Variants in ARHGAP25 observed in about 807,000 individuals in gnomAD.
ARHGAP25 encodes rho GTPase-activating protein 25.
A neutral mutation model predicts 71.0 loss-of-function variants in ARHGAP25; 34 were observed. The ratio of observed to expected loss-of-function variants is 0.48; its 90% CI spans 0.36 to 0.64. The LOEUF is 0.64. Ranked by LOEUF, ARHGAP25 falls within the 30% of genes least tolerant of loss-of-function variation. The pLI is 0.00. For missense variants in ARHGAP25, 706 were observed against 805.1 expected (o/e 0.88, Z 1.49); for synonymous variants, 282 against 296.5 (o/e 0.95, Z 0.50).
chr2:68,764,933 CTTG>C (rs1264404396), intron 1 of ARHGAP25, among the ~76,000 whole-genome samples: 1 of 152,118 alleles, frequency 6.6e-6, no homozygotes, highest in Non-Finnish European at 1.5e-5. Flanking sequence ...TAGATCTCCC[CTTG>C]TTATTATTGA....
intron 4 of ARHGAP25, among the ~76,000 whole-genome samples, chr2:68,789,435 C>A (rs1679010642): frequency 6.6e-6 from 1 of 152,190 alleles, no homozygotes; most frequent in African/African-American, 2.4e-5. Context: ...TGGTTAGATA[C>A]ATTAGCTTCT....
intron 1 of ARHGAP25, chr2:68,774,997 C>T (rs1677768872): frequency 1.4e-6 from 2 of 1,448,916 alleles, no homozygotes; most frequent in Admixed American, 2.8e-5. Context: ...CCGACTGCAG[C>T]CTGGGTTTTA....
At chr2:68,822,216 C>T (rs1681737738) in intron 9 of ARHGAP25, 124 bp from the exon 10 acceptor site, 3 of 909,794 alleles carry the variant, frequency 3.3e-6, no homozygotes, top group Non-Finnish European at 5.1e-6. Flanking sequence ...TAATGTGATA[C>T]ATTAAGAATT....
intron 6 of ARHGAP25, among the ~76,000 whole-genome samples, chr2:68,814,550 G>C (rs188480984): frequency 1.6e-4 from 24 of 152,174 alleles, no homozygotes; most frequent in Admixed American, 6.5e-4. Flanking sequence ...GATACTGGTG[G>C]GTGACTTTAA....
chr2:68,807,469 C>T lies in ARHGAP25; in HGVS notation c.663C>T (p.Pro221=). 6.2e-7 allele frequency: 1 copy of T among 1,614,110 alleles called. No individual in the cohort carries two copies. Among genetic ancestry groups the T allele is most frequent in the Non-Finnish European group, 8.5e-7 (1 of 1,180,010 alleles). ...LRDAFDAGER[P]SFDRDTDVHT... is the part of the protein sequence containing the mutation. ...ACGCTTTTGATGCTGGGGAGCGGCC[C>T]TCCTTTGACAGGTACATTGCCCCAC... Residue 221 remains proline, a synonymous_variant, in exon 5 of 11, where the codon CCC becomes CCT. Transcript: ENST00000409202.
chr2:68,760,701 A>G (rs1469969249), intron 1 of ARHGAP25, among the ~76,000 whole-genome samples: 1 of 151,992 alleles, frequency 6.6e-6, no homozygotes, highest in African/African-American at 2.4e-5. Context: ...AGAAGAACAG[A>G]ATAATGGGAA....
intron 1 of ARHGAP25, among the ~76,000 whole-genome samples, chr2:68,759,193 T>A (rs1676657567): frequency 6.6e-6 from 1 of 150,850 alleles, no homozygotes; most frequent in Admixed American, 6.6e-5. Flanking sequence ...AAGGATAAAC[T>A]GAACCCAGAG....
Position 68,822,824 on chromosome 2 carries a change from G to T in ARHGAP25, c.1685G>T (p.Arg562Leu). 1 of 1,613,784 alleles carries T rather than the reference G, an allele frequency of 6.2e-7. No homozygotes were observed. The highest frequency in any genetic ancestry group is 8.5e-7 in the Non-Finnish European group (1 of 1,179,954). The change falls in exon 10 of 11, where the codon CGA (arginine) becomes CTA (leucine). Residue 562 changes from arginine to leucine, a missense_variant. Coordinates refer to ENST00000409202, the MANE Select transcript of ARHGAP25 (RefSeq NM_001007231.3). Reference protein sequence around the residue: ...DSLQRMVQELRKEIETQKQMY... With the variant: ...DSLQRMVQELLKEIETQKQMY... ...TTGCAGAGGATGGTCCAAGAGCTAC[G>T]AAAGGAAATAGAAACACAGAAGCAA...
intron 5 of ARHGAP25, among the ~76,000 whole-genome samples, chr2:68,812,016 T>C (rs11903107): frequency 0.57 from 86,026 of 152,038 alleles, 24,870 homozygotes; most frequent in East Asian, 0.87. Context: ...TGGTAGTGAA[T>C]CTTATTTTCC....
chr2:68,762,721 G>A (rs952062475), intron 1 of ARHGAP25, among the ~76,000 whole-genome samples: 9 of 152,122 alleles, frequency 5.9e-5, no homozygotes, highest in Admixed American at 5.9e-4. Flanking sequence ...AACAAAAATG[G>A]TGTTCTTCTA....
At chr2:68,756,604 ACT>A (rs1676494505) in intron 1 of ARHGAP25, among the ~76,000 whole-genome samples, 1 of 152,140 alleles carries the variant, frequency 6.6e-6, no homozygotes, top group Non-Finnish European at 1.5e-5. Context: ...ACCTAAGAAG[ACT>A]CTTAAGTGTG....
At chr2:68,756,270 G>GA (rs1199875558) in intron 1 of ARHGAP25, among the ~76,000 whole-genome samples, 3 of 152,142 alleles carry the variant, frequency 2.0e-5, no homozygotes, top group Non-Finnish European at 4.4e-5. Context: ...GGCCGAATGG[G>GA]AAAAAATGAA....
At chr2:68,788,091 C>T (rs1678883961) in intron 4 of ARHGAP25, 135 bp downstream of exon 4, 1 of 695,826 alleles carries the variant, frequency 1.4e-6, no homozygotes, top group Admixed American at 2.4e-5. Context: ...TGCCCATGGC[C>T]AAGTGCTCTG....
chr2:68,818,089 A>G (rs1432793139), intron 8 of ARHGAP25, 95 bp downstream of exon 8: 36 of 1,503,096 alleles, frequency 2.4e-5, no homozygotes. Flanking sequence ...TTTCCCAAGC[A>G]TTTTAAGCTG....
chr2:68,773,878 CGT>C (rs531919532), intron 1 of ARHGAP25, among the ~76,000 whole-genome samples: 271 of 152,204 alleles, frequency 1.8e-3, no homozygotes, highest in African/African-American at 6.1e-3. Context: ...AAGTGGTTTG[CGT>C]ATGTTTGTTT....
chr2:68,824,524 C>T (rs968540031), intron 10 of ARHGAP25, among the ~76,000 whole-genome samples: 6 of 152,308 alleles, frequency 3.9e-5, no homozygotes, highest in South Asian at 2.1e-4. Flanking sequence ...GGGTGAATCA[C>T]GAGGTCAGGA....
intron 3 of ARHGAP25, among the ~76,000 whole-genome samples, chr2:68,785,462 T>C (rs1028710299): frequency 1.3e-5 from 2 of 152,136 alleles, no homozygotes; most frequent in African/African-American, 4.8e-5. Flanking sequence ...AAGAAATCGA[T>C]GTTGACTCCA....
chr2:68,740,009 G>T (rs1018013943), intron 1 of ARHGAP25, among the ~76,000 whole-genome samples: 1 of 152,160 alleles, frequency 6.6e-6, no homozygotes, highest in East Asian at 1.9e-4. Context: ...AGACAGGAGT[G>T]CAACTTACTG....
chr2:68,712,224 G>C (rs556462956), intron 2 of ARHGAP25, among the ~76,000 whole-genome samples: 59 of 152,292 alleles, frequency 3.9e-4, no homozygotes, highest in African/African-American at 1.3e-3. Context: ...GCGTGAGATG[G>C]TATCTCATTG....
Sources: gnomAD v4.1 joint callset for allele counts (sites outside exome capture counted in the v4.1 genomes callset) on GRCh38, gnomAD v4.1.1 for gene constraint, MANE v1.5 for transcripts, NCBI Gene and HGNC (gene_info 2026-07-23, HGNC 2026-07-21) for gene names.